The following SCML2 variants were observed in gnomAD, a reference collection of about 807,000 sequenced individuals.
SCML2 encodes the protein sex comb on midleg-like protein 2.
In SCML2, 6 loss-of-function variants were observed where a neutral mutation model predicts 48.4. That is an observed-to-expected ratio of 0.12 (90% CI 0.07 to 0.24). The LOEUF (loss-of-function observed/expected upper bound fraction) is 0.24. SCML2 is among the 10% of genes least tolerant of loss of function. The probability of loss-of-function intolerance (pLI) is 1.00; values close to 1 mark genes in which losing one functional copy is unlikely to be tolerated. For synonymous variants in SCML2, 181 were observed against 189.5 expected, an observed-to-expected ratio of 0.95 and a Z score of 0.37; for missense variants, 377 against 528.2, an observed-to-expected ratio of 0.71 and a Z score of 2.81.
Position 18,266,391 on chromosome X carries a change from T to C in SCML2, c.731-589A>G, listed in dbSNP as rs769964494. ...TACTAAAATAGAGACTTTACATTAA[T>C]GTTGTCATGGAAAGATCACTATCAG... On this transcript the variant is annotated intron_variant, in intron 7 of 14. Transcript: ENST00000251900. Among the ~76,000 whole-genome samples, 7 of 111,950 alleles carry C rather than the reference T, an allele frequency of 6.3e-5. No homozygotes were observed. The South Asian group carries it at 2.6e-3, about 42-fold the overall frequency.
Position 18,354,337 on chromosome X carries a change from G to A in SCML2, c.-25+255C>T, listed in dbSNP as rs756034125. Among the ~76,000 whole-genome samples the A allele has an allele frequency of 9.6e-4, 108 of 112,564 alleles. 5 individuals carry two copies. The highest frequency in any genetic ancestry group is 7.4e-4 in the Admixed American group (8 of 10,803). ...GCTATCGGCCGGGCGCCCAAACCCC[G>A]CGGCGGCGAAAAGGCCCCGGGGCGG... On this transcript the variant is annotated intron_variant, in intron 1 of 14. Coordinates refer to ENST00000251900, the MANE Select transcript of SCML2 (RefSeq NM_006089.3).
intron 6 of SCML2, among the ~76,000 whole-genome samples, chrX:18,313,004 T>C (rs866096240): frequency 2.3e-4 from 21 of 90,451 alleles, no homozygotes; most frequent in Admixed American, 7.8e-4. Flanking sequence ...TGTGTGTGTG[T>C]GTGCGCGTGT....
intron 1 of SCML2, among the ~76,000 whole-genome samples, chrX:18,348,711 T>C (rs182730233): frequency 4.0e-4 from 44 of 111,213 alleles, no homozygotes; most frequent in African/African-American, 1.2e-3. Context: ...GCTTTTCAAA[T>C]AACATTAAAG....
At chrX:18,335,202 C>T (rs756672459) in intron 1 of SCML2, among the ~76,000 whole-genome samples, 43 of 111,160 alleles carry the variant, frequency 3.9e-4, no homozygotes, top group African/African-American at 1.2e-3. Context: ...CTGTGAATTA[C>T]ATTAAAATGA....
chrX:18,291,889 A>C (rs1162034762), intron 7 of SCML2, among the ~76,000 whole-genome samples: 1 of 111,870 alleles, frequency 8.9e-6, no homozygotes, highest in African/African-American at 3.2e-5. Context: ...AAGTCAATAA[A>C]TAATATTTCT....
chrX:18,346,985 T>C (rs1001655888), intron 1 of SCML2, among the ~76,000 whole-genome samples: 3 of 111,678 alleles, frequency 2.7e-5, no homozygotes, highest in Non-Finnish European at 5.6e-5. Context: ...TGAACATGAG[T>C]CATCACATTA....
intron 7 of SCML2, among the ~76,000 whole-genome samples, chrX:18,296,944 G>T (rs1319819980): frequency 9.3e-6 from 1 of 107,254 alleles, no homozygotes; most frequent in Non-Finnish European, 1.9e-5. Context: ...AGGACACAAG[G>T]AAAAAAAAAG....
intron 7 of SCML2, among the ~76,000 whole-genome samples, chrX:18,292,734 T>C (rs1165710329): frequency 9.0e-6 from 1 of 111,637 alleles, no homozygotes; most frequent in African/African-American, 3.2e-5. Context: ...ATCTGATATA[T>C]AGCCTTCCAG....
intron 7 of SCML2, among the ~76,000 whole-genome samples, chrX:18,294,249 C>A (rs1448684846): frequency 1.8e-5 from 2 of 111,282 alleles, no homozygotes; most frequent in Admixed American, 1.9e-4. Flanking sequence ...AATCTTCAAA[C>A]TGAGCATCTA....
chrX:18,280,708 T>C (rs1366448602), intron 7 of SCML2, among the ~76,000 whole-genome samples: 2 of 112,017 alleles, frequency 1.8e-5, no homozygotes, highest in African/African-American at 6.5e-5. Flanking sequence ...GGAGTCGCTA[T>C]TCTTATATCA....
chrX:18,315,496 C>T (rs1929091681), intron 6 of SCML2, among the ~76,000 whole-genome samples: 1 of 111,601 alleles, frequency 9.0e-6, no homozygotes, highest in Non-Finnish European at 1.9e-5. Flanking sequence ...AGTTAAAAGG[C>T]TAGCATAACA....
At chrX:18,296,486 T>C (rs764428608) in intron 7 of SCML2, among the ~76,000 whole-genome samples, 1 of 110,225 alleles carries the variant, frequency 9.1e-6, no homozygotes, top group Non-Finnish European at 1.9e-5. Flanking sequence ...AAATTTTGGA[T>C]GTTTCAAAAG....
chrX:18,353,588 A>C (rs1367559850), intron 1 of SCML2, among the ~76,000 whole-genome samples: 1 of 112,931 alleles, frequency 8.9e-6, no homozygotes, highest in Non-Finnish European at 1.9e-5. Context: ...CTAATTTACA[A>C]ACAAGAAGCA....
intron 7 of SCML2, among the ~76,000 whole-genome samples, chrX:18,280,948 C>A (rs1927813003): frequency 8.9e-6 from 1 of 112,466 alleles, no homozygotes; most frequent in African/African-American, 3.2e-5. Flanking sequence ...ATCACTGAAG[C>A]AGAAAACTAA....
At chrX:18,309,408 G>A (rs960217148) in intron 6 of SCML2, among the ~76,000 whole-genome samples, 8 of 111,425 alleles carry the variant, frequency 7.2e-5, no homozygotes, top group Non-Finnish European at 1.1e-4. Flanking sequence ...ATTACCATTC[G>A]ACCCAGCAAT....
At chrX:18,330,516 T>A in intron 3 of SCML2, 71 bp downstream of exon 3, 1 of 593,803 alleles carries the variant, frequency 1.7e-6, no homozygotes, top group Non-Finnish European at 2.6e-6. Flanking sequence ...ATAAGAAAAT[T>A]TGCACTTAAA....
At chrX:18,333,828 G>T (rs1011572450) in intron 2 of SCML2, among the ~76,000 whole-genome samples, 1 of 111,866 alleles carries the variant, frequency 8.9e-6, no homozygotes, top group African/African-American at 3.2e-5. Context: ...ACTGTTGTAT[G>T]ACCTTAACCT....
chrX:18,354,064 G>A (rs1032971177), intron 1 of SCML2, among the ~76,000 whole-genome samples: 9 of 112,395 alleles, frequency 8.0e-5, no homozygotes, highest in Non-Finnish European at 1.7e-4. Flanking sequence ...GCCCCCGCCA[G>A]GAGCCCGGCG....
intron 8 of SCML2, among the ~76,000 whole-genome samples, chrX:18,262,658 G>T (rs1927112544): frequency 9.5e-6 from 1 of 105,339 alleles, no homozygotes; most frequent in African/African-American, 3.7e-5. Flanking sequence ...CTATTTCATT[G>T]CCTGTTTTTG....
Sources: allele counts gnomAD v4.1 joint callset (sites outside exome capture counted in the v4.1 genomes callset), GRCh38; gene constraint gnomAD v4.1.1; transcripts MANE v1.5; gene names NCBI Gene and HGNC (gene_info 2026-07-23, HGNC 2026-07-21).